The following DCC variants were observed in gnomAD, a reference collection of about 807,000 sequenced individuals.
The protein encoded by DCC is DCC netrin 1 receptor, also known as netrin receptor DCC.
DCC carries 58 observed loss-of-function variants against 172.5 expected under a neutral mutation model. That is an observed-to-expected ratio of 0.34 (90% CI 0.27 to 0.42). The LOEUF is 0.42. DCC is among the 10% of genes least tolerant of loss of function. The pLI is 1.00. For missense variants in DCC, 1,740 were observed against 1,791.0 expected (o/e 0.97, Z 0.51); for synonymous variants, 709 against 644.5 (o/e 1.10, Z -1.52).
At chr18:53,244,516 T>C (rs2056342857) in intron 12 of DCC, among the ~76,000 whole-genome samples, 1 of 152,198 alleles carries the variant, frequency 6.6e-6, no homozygotes, top group African/African-American at 2.4e-5. Flanking sequence ...TCTTCTGCTT[T>C]ATGTGACATA....
intron 7 of DCC, among the ~76,000 whole-genome samples, chr18:53,128,870 C>CATATATATATATATATATAT (rs367907467): frequency 1.3e-5 from 1 of 77,456 alleles, no homozygotes; most frequent in African/African-American, 6.2e-5. Flanking sequence ...CACACACACA[C>CATATATATATATATATATAT]ATATATATAT....
At chr18:52,445,772 A>T (rs531309695) in intron 1 of DCC, among the ~76,000 whole-genome samples, 1 of 152,252 alleles carries the variant, frequency 6.6e-6, no homozygotes, top group South Asian at 2.1e-4. Context: ...CAAACTCTTC[A>T]TTTTTTAATA....
intron 1 of DCC, among the ~76,000 whole-genome samples, chr18:52,434,815 C>G (rs374948434): frequency 5.1e-4 from 77 of 152,226 alleles, no homozygotes; most frequent in African/African-American, 1.7e-3. Context: ...CCACACCTCC[C>G]CACGCCCGTC....
intron 2 of DCC, among the ~76,000 whole-genome samples, chr18:52,827,896 A>G (rs1427902916): frequency 6.6e-6 from 1 of 152,078 alleles, no homozygotes; most frequent in African/African-American, 2.4e-5. Flanking sequence ...GCATTATCTC[A>G]AAGGACCCTC....
At chr18:53,433,587 A>G (rs899512787) in intron 21 of DCC, among the ~76,000 whole-genome samples, 1 of 152,210 alleles carries the variant, frequency 6.6e-6, no homozygotes, top group African/African-American at 2.4e-5. Flanking sequence ...TCCACCTCAC[A>G]TCAGCCAACG....
Position 53,397,387 on chromosome 18 carries a change from C to A in DCC, c.2768C>A (p.Thr923Lys). The change falls in exon 18 of 29, where the codon ACA (threonine) becomes AAA (lysine). Residue 923 changes from threonine (T) to lysine (K), a missense_variant. Coordinates refer to ENST00000442544, the MANE Select transcript of DCC (RefSeq NM_005215.4). Reference sequence around the variant, plus strand: ...ATGTATGAATTCTCGGTCATGGTAACAAAAAACAGAAGGTCCAGTACTTGG... The same window carrying A: ...ATGTATGAATTCTCGGTCATGGTAAAAAAAAACAGAAGGTCCAGTACTTGG... ...NTMYEFSVMVTKNRRSSTWSM... is the reference protein window; with the variant it reads ...NTMYEFSVMVKKNRRSSTWSM... 1 of 1,613,810 alleles carries A rather than the reference C, an allele frequency of 6.2e-7. No individual in the cohort carries two copies. The highest frequency in any genetic ancestry group is 1.3e-5 in the African/African-American group (1 of 74,946).
intron 2 of DCC, among the ~76,000 whole-genome samples, chr18:52,793,181 C>A (rs1196354152): frequency 6.6e-6 from 1 of 152,152 alleles, no homozygotes; most frequent in African/African-American, 2.4e-5. Flanking sequence ...AGGATTGTCA[C>A]CCCACCCTAA....
chr18:52,996,152 C>T (rs1240579773), intron 5 of DCC, among the ~76,000 whole-genome samples: 1 of 151,870 alleles, frequency 6.6e-6, no homozygotes, highest in Admixed American at 6.6e-5. Context: ...TGTGTAATAG[C>T]GTAAAATTAT....
chr18:53,274,372 C>A (rs2056782419), intron 12 of DCC, among the ~76,000 whole-genome samples: 1 of 152,136 alleles, frequency 6.6e-6, no homozygotes, highest in African/African-American at 2.4e-5. Context: ...CCATCAAATT[C>A]CACTTTTCAT....
At chr18:53,015,009 A>G (rs2041789202) in intron 5 of DCC, among the ~76,000 whole-genome samples, 2 of 152,188 alleles carry the variant, frequency 1.3e-5, no homozygotes, top group African/African-American at 2.4e-5. Context: ...CTAAGACTCT[A>G]CTAAGGGAAG....
chr18:52,753,864 T>C (rs1400706301), intron 2 of DCC, among the ~76,000 whole-genome samples: 2 of 152,222 alleles, frequency 1.3e-5, no homozygotes, highest in African/African-American at 4.8e-5. Context: ...TCAGTTTTTT[T>C]ACTTGTTTCT....
At chr18:52,796,873 A>G (rs2037886675) in intron 2 of DCC, among the ~76,000 whole-genome samples, 1 of 152,108 alleles carries the variant, frequency 6.6e-6, no homozygotes, top group African/African-American at 2.4e-5. Flanking sequence ...AGACTTGGGA[A>G]GTTTTTAGCT....
intron 7 of DCC, among the ~76,000 whole-genome samples, chr18:53,099,409 G>A (rs7506904): frequency 0.67 from 102,470 of 151,864 alleles, 36,208 homozygotes; most frequent in African/African-American, 0.87. Context: ...TAATTACATT[G>A]TAATCTGAAT....
chr18:53,304,160 C>T (rs1220130472), intron 12 of DCC, among the ~76,000 whole-genome samples: 6 of 152,030 alleles, frequency 3.9e-5, no homozygotes, highest in Non-Finnish European at 7.4e-5. Flanking sequence ...AATATGGGTA[C>T]AGGATAGGGG....
At chr18:53,045,337 CTTAG>C (rs1599062867) in intron 5 of DCC, among the ~76,000 whole-genome samples, 1 of 151,816 alleles carries the variant, frequency 6.6e-6, no homozygotes, top group African/African-American at 2.4e-5. Context: ...TACAGCAATT[CTTAG>C]TTAGCCTTAC....
rs772316335 is a variant in DCC at position 52,897,539 on chromosome 18, C to G, written c.413-8505C>G. Among the ~76,000 whole-genome samples, 12 of 152,146 alleles carry G rather than the reference C, an allele frequency of 7.9e-5. 1 individual carries two copies. Among genetic ancestry groups the G allele is most frequent in the Non-Finnish European group, 4.4e-5 (3 of 68,020 alleles). On this transcript the variant is annotated intron_variant, in intron 2 of 28. Transcript: ENST00000442544. ...TGATATACTTCACAGAAATAAAATA[C>G]AGAAAACATCCACAGGAATGTAGAA... is the stretch of plus-strand genomic sequence containing the variant.
At chr18:52,710,229 A>G (rs2036273252) in intron 1 of DCC, among the ~76,000 whole-genome samples, 1 of 152,240 alleles carries the variant, frequency 6.6e-6, no homozygotes. Context: ...GTGCAGTATA[A>G]TCGTAAGACA....
intron 12 of DCC, among the ~76,000 whole-genome samples, chr18:53,248,807 C>A (rs936805024): frequency 2.2e-4 from 33 of 152,000 alleles, no homozygotes; most frequent in Non-Finnish European, 4.4e-5. Context: ...CCTTATTATC[C>A]CCCAAGGATT....
At chr18:53,157,608 T>C in intron 8 of DCC, 96 bp downstream of exon 8, 3 of 1,282,894 alleles carry the variant, frequency 2.3e-6, no homozygotes, top group Non-Finnish European at 3.3e-6. Flanking sequence ...GCAGGAACTT[T>C]GGAGAGGCTG....
Sources: allele counts gnomAD v4.1 joint callset (sites outside exome capture counted in the v4.1 genomes callset), GRCh38; gene constraint gnomAD v4.1.1; transcripts MANE v1.5; gene names NCBI Gene and HGNC (gene_info 2026-07-23, HGNC 2026-07-21).